Variants in ZUP1 observed in about 807,000 individuals in gnomAD.
ZUP1 encodes zinc finger-containing ubiquitin peptidase 1.
Under a neutral mutation model 68.1 loss-of-function variants are expected in ZUP1, and 55 were observed. The observed-to-expected ratio is 0.81, with a 90% CI of 0.65 to 1.01. ZUP1 has a LOEUF of 1.01. Ranked by LOEUF, ZUP1 falls within the 50% of genes least tolerant of loss-of-function variation. ZUP1 has a pLI of 0.00. For missense variants in ZUP1, 684 were observed against 674.9 expected, an observed-to-expected ratio of 1.01 and a Z score of -0.15; for synonymous variants, 223 against 221.5, an observed-to-expected ratio of 1.01 and a Z score of -0.06.
At chr6:116,645,244 C>A (rs1776254994) in intron 9 of ZUP1, among the ~76,000 whole-genome samples, 1 of 151,338 alleles carries the variant, frequency 6.6e-6, no homozygotes, top group Non-Finnish European at 1.5e-5. Flanking sequence ...CATATAAAAC[C>A]AAATGGCTTT....
chr6:116,668,008 A>C (rs1777061906), intron 1 of ZUP1, among the ~76,000 whole-genome samples: 1 of 136,018 alleles, frequency 7.4e-6, no homozygotes, highest in African/African-American at 2.9e-5. Flanking sequence ...ACTGACATAA[A>C]AGTGTTAAAA....
At chr6:116,655,962 G>A (rs1363003807) in intron 5 of ZUP1, among the ~76,000 whole-genome samples, 1 of 152,166 alleles carries the variant, frequency 6.6e-6, no homozygotes, top group Non-Finnish European at 1.5e-5. Flanking sequence ...TATAAACAAT[G>A]TAAAATGTCT....
chr6:116,638,993 G>A (rs1477353425), intron 9 of ZUP1, among the ~76,000 whole-genome samples: 1 of 152,232 alleles, frequency 6.6e-6, no homozygotes, highest in African/African-American at 2.4e-5. Context: ...CGAATACTGC[G>A]CTTTTCCGAC....
At chr6:116,639,061 A>G (rs979766601) in intron 9 of ZUP1, among the ~76,000 whole-genome samples, 1 of 152,186 alleles carries the variant, frequency 6.6e-6, no homozygotes, top group African/African-American at 2.4e-5. Context: ...GGAGGGTCCT[A>G]CGCCCACGGA....
chr6:116,665,736 G>T (rs1489581256), intron 2 of ZUP1, among the ~76,000 whole-genome samples: 1 of 149,002 alleles, frequency 6.7e-6, no homozygotes, highest in Non-Finnish European at 1.5e-5. Context: ...CAAGCCACTA[G>T]GCCTGGCTAG....
chr6:116,662,677 TCTTGA>T (rs1776880171), intron 2 of ZUP1, among the ~76,000 whole-genome samples: 2 of 152,316 alleles, frequency 1.3e-5, no homozygotes, highest in Non-Finnish European at 2.9e-5. Context: ...CACTTCACCT[TCTTGA>T]CTTAACTAAA....
chr6:116,666,632 A>T lies in ZUP1; in HGVS notation c.559+2T>A. 1 of 1,545,988 alleles carries T rather than the reference A, an allele frequency of 6.5e-7. No homozygotes were observed. The highest frequency in any genetic ancestry group is 8.7e-7 in the Non-Finnish European group (1 of 1,149,532). ...TAATTTATAATGAAATGAAAACTTT[A>T]CCTTCCAATGGAATGTCTAAAAGAT... On this transcript the variant is annotated splice_donor_variant, in intron 2 of 9. Transcript: ENST00000368576. LOFTEE classifies it high-confidence loss of function.
chr6:116,647,397 G>A (rs1776343755), intron 8 of ZUP1, 62 bp downstream of exon 8: 2 of 1,372,954 alleles, frequency 1.5e-6, no homozygotes, highest in African/African-American at 2.9e-5. Flanking sequence ...TAACCTGTCT[G>A]AAAGCAACAA....
intron 7 of ZUP1, among the ~76,000 whole-genome samples, chr6:116,649,860 CAAAATT>C (rs1166700963): frequency 5.3e-5 from 8 of 151,872 alleles, no homozygotes; most frequent in Non-Finnish European, 1.2e-4. Flanking sequence ...TAAGGATTTC[CAAAATT>C]AAAAGAAAGC....
intron 9 of ZUP1, among the ~76,000 whole-genome samples, chr6:116,641,962 A>AGAG (rs1776115861): frequency 6.6e-6 from 1 of 151,644 alleles, no homozygotes; most frequent in Non-Finnish European, 1.5e-5. Context: ...TAAAGAAAAA[A>AGAG]AGAAGAATCA....
intron 2 of ZUP1, among the ~76,000 whole-genome samples, chr6:116,661,103 T>A (rs540715424): frequency 6.6e-6 from 1 of 152,002 alleles, no homozygotes; most frequent in Non-Finnish European, 1.5e-5. Context: ...CTCAAACTCC[T>A]GGACTCAAGT....
intron 9 of ZUP1, among the ~76,000 whole-genome samples, chr6:116,637,910 A>G (rs1583356835): frequency 6.6e-6 from 1 of 152,106 alleles, no homozygotes; most frequent in Non-Finnish European, 1.5e-5. Context: ...TAAATATACA[A>G]AATTAGCTGG....
chr6:116,638,059 C>T (rs952847160), intron 9 of ZUP1, among the ~76,000 whole-genome samples: 16 of 115,024 alleles, frequency 1.4e-4, no homozygotes, highest in Non-Finnish European at 2.0e-4. Flanking sequence ...GAGTGAGAGT[C>T]GGTCTCCAAA....
intron 8 of ZUP1, 86 bp downstream of exon 8, chr6:116,647,373 C>T: frequency 8.1e-7 from 1 of 1,236,864 alleles, no homozygotes; most frequent in Admixed American, 2.6e-5. Flanking sequence ...AACAAACAAA[C>T]AAACAAAAAA....
chr6:116,658,139 CATT>C (rs1460028929), intron 4 of ZUP1, among the ~76,000 whole-genome samples: 3 of 151,900 alleles, frequency 2.0e-5, no homozygotes, highest in Admixed American at 2.0e-4. Context: ...AATCTATGAG[CATT>C]ATTAGCACAG....
intron 9 of ZUP1, among the ~76,000 whole-genome samples, chr6:116,643,939 T>C (rs546798591): frequency 1.1e-4 from 16 of 152,236 alleles, no homozygotes; most frequent in African/African-American, 3.9e-4. Flanking sequence ...AACCTACTCA[T>C]CTGACAAAGG....
chr6:116,642,093 G>A lies in ZUP1; in HGVS notation c.1689+3621C>T, dbSNP rs1304997562. On this transcript the variant is annotated intron_variant, in intron 9 of 9. Coordinates refer to ENST00000368576, the MANE Select transcript of ZUP1 (RefSeq NM_145062.3). ...ATAAACTAGAAAATCTAGAAGAAAT[G>A]GATAAATTCCTCGAAACATACATTC... is the stretch of plus-strand genomic sequence containing the variant. 5.3e-5 allele frequency among the ~76,000 whole-genome samples: 8 copies of A among 152,030 alleles called. 1 individual carries two copies. The highest frequency in any genetic ancestry group is 1.9e-4 in the East Asian group (1 of 5,204).
At chr6:116,665,754 GTT>G (rs557653411) in intron 2 of ZUP1, among the ~76,000 whole-genome samples, 7 of 127,402 alleles carry the variant, frequency 5.5e-5, no homozygotes, top group Admixed American at 8.0e-5. Context: ...TAGTTTTTTG[GTT>G]TTTTTTTTTT....
chr6:116,653,203 C>T (rs2114257084), intron 5 of ZUP1, among the ~76,000 whole-genome samples: 1 of 152,088 alleles, frequency 6.6e-6, no homozygotes, highest in South Asian at 2.1e-4. Context: ...ATTATAGATC[C>T]TTCACATGCT....
Sources: allele counts gnomAD v4.1 joint callset (sites outside exome capture counted in the v4.1 genomes callset), GRCh38; gene constraint gnomAD v4.1.1; transcripts MANE v1.5; gene names NCBI Gene and HGNC (gene_info 2026-07-23, HGNC 2026-07-21).